R3HCC1: variants seen among roughly 807,000 people sequenced by gnomAD.
R3HCC1 encodes the protein R3H and coiled-coil domain-containing protein 1.
A neutral mutation model predicts 40.0 loss-of-function variants in R3HCC1; 32 were observed. That is an observed-to-expected ratio of 0.80 (90% CI 0.60 to 1.07). The LOEUF (loss-of-function observed/expected upper bound fraction) is 1.07, where lower values mean the gene tolerates loss of function less well. Ranked by LOEUF, R3HCC1 falls within the 50% of genes least tolerant of loss-of-function variation. The pLI, the probability that R3HCC1 is intolerant of heterozygous loss-of-function variation, is 0.00. For synonymous variants in R3HCC1, 237 were observed against 232.8 expected (o/e 1.02, Z -0.17); for missense variants, 586 against 563.3 (o/e 1.04, Z -0.41).
chr8:23,290,874 C>T (rs528601006), intron 4 of R3HCC1: 10 of 229,076 alleles, frequency 4.4e-5, no homozygotes, highest in South Asian at 3.2e-4. Context: ...TGGGACCGTG[C>T]GACTGCCCCT....
intron 6 of R3HCC1, among the ~76,000 whole-genome samples, chr8:23,293,761 C>T (rs1278144467): frequency 3.3e-5 from 5 of 152,164 alleles, no homozygotes; most frequent in African/African-American, 7.2e-5. Flanking sequence ...CATTCTTACT[C>T]GATTTTCGCT....
At chr8:23,294,299 C>T (rs1435401116) in intron 6 of R3HCC1, among the ~76,000 whole-genome samples, 3 of 152,228 alleles carry the variant, frequency 2.0e-5, no homozygotes, top group South Asian at 2.1e-4. Flanking sequence ...GTTTCCTCTT[C>T]TGTAGAACAG....
intron 1 of R3HCC1, 139 bp from the exon 2 acceptor site, chr8:23,288,367 G>C: frequency 7.8e-7 from 1 of 1,281,134 alleles, no homozygotes; most frequent in Non-Finnish European, 1.1e-6. Flanking sequence ...TGACTTGCCG[G>C]GGGTCCCTGG....
In R3HCC1 at chr8:23,296,112, A is replaced by G. The variant is rs531822018; in HGVS notation, c.*15A>G. 83 of 1,546,186 alleles carry G rather than the reference A, an allele frequency of 5.4e-5. No individual in the cohort carries two copies. Among genetic ancestry groups the G allele is most frequent in the Non-Finnish European group, 6.8e-5 (78 of 1,145,094 alleles). ...TGCCGCCCTGAGGCCTGGAGACCCA[A>G]CTGGCCTGGATCTGCGTCCCGACGT... On this transcript the variant is annotated 3_prime_UTR_variant, in exon 8 of 8. Transcript: ENST00000265806.
At position 23,290,352 on chromosome 8, in the gene R3HCC1, G is replaced by A. The variant is rs1802839200; in HGVS notation, c.735G>A (p.Gly245=). ...CCCTGCAGCTAGACCTGGAAAAGGG[G>A]AAGGAGAGTCTGTTGGAGAAGAGGC... is the stretch of plus-strand genomic sequence containing the variant. The change falls in exon 4 of 8, where the codon GGG becomes GGA. Residue 245 remains glycine, a synonymous_variant. Transcript: ENST00000265806. 6.4e-7 allele frequency: 1 copy of A among 1,551,902 alleles called. No individual in the cohort carries two copies. Among genetic ancestry groups the A allele is most frequent in the Non-Finnish European group, 8.7e-7 (1 of 1,147,046 alleles).
chr8:23,291,815 C>G (rs1043038010), intron 5 of R3HCC1, among the ~76,000 whole-genome samples: 4 of 152,270 alleles, frequency 2.6e-5, no homozygotes, highest in Non-Finnish European at 5.9e-5. Context: ...TGCGCCCTCC[C>G]TCAGTCTCAA....
chr8:23,294,531 G>T (rs753696137), intron 6 of R3HCC1, among the ~76,000 whole-genome samples: 1 of 152,186 alleles, frequency 6.6e-6, no homozygotes, highest in African/African-American at 2.4e-5. Flanking sequence ...TGCTCTCCCT[G>T]ACCAGCCTGG....
intron 7 of R3HCC1, chr8:23,295,448 T>G (rs768059904): frequency 8.8e-6 from 4 of 456,924 alleles, no homozygotes; most frequent in South Asian, 6.2e-5. Context: ...CTTTTCCCCT[T>G]CTACTTCCAG....
rs779025476 is a variant in R3HCC1, at chr8:23,290,462, T to C, written c.845T>C (p.Leu282Pro). 6.5e-7 allele frequency: 1 copy of C among 1,548,574 alleles called. No individual in the cohort carries two copies. Among genetic ancestry groups the C allele is most frequent in the Non-Finnish European group, 8.7e-7 (1 of 1,145,366 alleles). Reference sequence around the variant, plus strand: ...TCGGAGGACGATTACAGTGAGCTGCTGCAGGAGGTGATGAGGCTCTTGAGC... The same window carrying C: ...TCGGAGGACGATTACAGTGAGCTGCCGCAGGAGGTGATGAGGCTCTTGAGC... Residue 282 changes from leucine to proline, a missense_variant, in exon 4 of 8, where the codon CTG becomes CCG. By Grantham distance (98) the Leu-to-Pro change is moderately conservative. Coordinates refer to ENST00000265806, the MANE Select transcript of R3HCC1 (RefSeq NM_001136108.3).
Position 23,288,121 on chromosome 8 carries a change from G to C in R3HCC1, c.-55G>C. The C allele has an allele frequency of 2.4e-6, 3 of 1,260,774 alleles. No individual in the cohort carries two copies. Among genetic ancestry groups the C allele is most frequent in the Non-Finnish European group, 3.1e-6 (3 of 976,306 alleles). The allele number at this position is 1,260,774 out of a possible 1,614,324, so 78.1% of individuals were successfully genotyped here. On this transcript the variant is annotated 5_prime_UTR_variant, in exon 1 of 8. Transcript: ENST00000265806. Reference sequence around the variant, plus strand: ...GCGCTCGGGCGCGCTGGCCCCTGGGGACGCCGAGGGCGGCTGCGACGCGCC... The same window carrying C: ...GCGCTCGGGCGCGCTGGCCCCTGGGCACGCCGAGGGCGGCTGCGACGCGCC...
intron 5 of R3HCC1, 60 bp downstream of exon 5, chr8:23,291,593 T>TG (rs904610417): frequency 4.8e-5 from 73 of 1,534,602 alleles, no homozygotes; most frequent in Non-Finnish European, 6.2e-5. Flanking sequence ...TCTCTGTAGC[T>TG]GGGGGTGCTT....
intron 4 of R3HCC1, among the ~76,000 whole-genome samples, chr8:23,290,749 C>T (rs887078049): frequency 1.3e-5 from 2 of 152,178 alleles, no homozygotes; most frequent in African/African-American, 4.8e-5. Context: ...ATAATACAGC[C>T]TTCACTAGGT....
chr8:23,288,713 G>A, intron 2 of R3HCC1, 80 bp downstream of exon 2: 1 of 1,497,550 alleles, frequency 6.7e-7, no homozygotes, highest in Non-Finnish European at 9.0e-7. Context: ...CCTCCCCCAG[G>A]TGGTGCCTGG....
At position 23,290,152 on chromosome 8, in the gene R3HCC1, A is replaced by G. The variant is rs575150651; in HGVS notation, c.535A>G (p.Asn179Asp). Residue 179 changes from asparagine (N) to aspartate (D), a missense_variant, in exon 4 of 8, where the codon AAC becomes GAC. Transcript: ENST00000265806. ...TGGAGATGTTGGTGCTGGAGACCCCAACTCTGATCAGGGACTCCCTGTGCT... is the reference window on the plus strand; with the variant it reads ...TGGAGATGTTGGTGCTGGAGACCCCGACTCTGATCAGGGACTCCCTGTGCT... 3.9e-5 allele frequency: 60 copies of G among 1,551,630 alleles called. No homozygotes were observed. The highest frequency in any genetic ancestry group is 4.9e-5 in the Non-Finnish European group (56 of 1,146,984).
chr8:23,296,265 G>T lies in R3HCC1; in HGVS notation c.*168G>T. ...AAATGGAGAAAAAATAAAAACTCAC[G>T]TTGTTCTAATGTGATCACTTTGAAA... is the stretch of plus-strand genomic sequence containing the variant. On this transcript the variant is annotated 3_prime_UTR_variant, in exon 8 of 8. Coordinates refer to ENST00000265806, the MANE Select transcript of R3HCC1 (RefSeq NM_001136108.3). 1.2e-6 allele frequency: 1 copy of T among 821,748 alleles called. No homozygotes were observed. Among genetic ancestry groups the T allele is most frequent in the South Asian group, 2.2e-5 (1 of 45,342 alleles). The allele number at this position is 821,748 out of a possible 1,614,324, so 50.9% of individuals were successfully genotyped here. A position where few individuals can be genotyped will look rare whatever the true frequency, so the allele number is the denominator to read the frequency against.
At chr8:23,289,725 G>A in intron 3 of R3HCC1, 141 bp from the exon 4 acceptor site, 1 of 1,238,984 alleles carries the variant, frequency 8.1e-7, no homozygotes, top group Non-Finnish European at 1.1e-6. Flanking sequence ...GCCTTCCTAA[G>A]GGATTTTCGA....
chr8:23,290,076 T>C lies in R3HCC1; in HGVS notation c.459T>C (p.Ser153=), dbSNP rs924009056. ...GGCAGGAAGAATGGGGGCTGACCTC[T>C]ACCTCGGTGCTCAAGAGAGAGGCCC... Residue 153 remains serine (S), a synonymous_variant, in exon 4 of 8, where the codon TCT becomes TCC. Transcript: ENST00000265806. 6.5e-7 allele frequency: 1 copy of C among 1,549,498 alleles called. No individual in the cohort carries two copies. Among genetic ancestry groups the C allele is most frequent in the Admixed American group, 2.0e-5 (1 of 51,012 alleles).
chr8:23,293,230 G>A, intron 5 of R3HCC1, 73 bp from the exon 6 acceptor site: 1 of 1,284,116 alleles, frequency 7.8e-7, no homozygotes. Context: ...GCGAGGGGGT[G>A]TGGCTGCGGG....
chr8:23,290,412 G>A lies in R3HCC1; in HGVS notation c.795G>A (p.Val265=), dbSNP rs1394432486. Residue 265 remains valine, a synonymous_variant, in exon 4 of 8, where the codon GTG becomes GTA. Coordinates refer to ENST00000265806, the MANE Select transcript of R3HCC1 (RefSeq NM_001136108.3). ...AGGAGGAAGAGGACGAAGAGGAGGT[G>A]GAAGAGGATGGCCCCAGCAGCTGCT... is the stretch of plus-strand genomic sequence containing the variant. 1 of 1,551,668 alleles carries A rather than the reference G, an allele frequency of 6.4e-7. No homozygotes were observed. Among genetic ancestry groups the A allele is most frequent in the Non-Finnish European group, 8.7e-7 (1 of 1,147,004 alleles).
Sources: allele counts gnomAD v4.1 joint callset (sites outside exome capture counted in the v4.1 genomes callset), GRCh38; gene constraint gnomAD v4.1.1; transcripts MANE v1.5; gene names NCBI Gene and HGNC (gene_info 2026-07-23, HGNC 2026-07-21).